The following CRIM1 variants were observed in gnomAD, a reference collection of about 807,000 sequenced individuals.
The protein encoded by CRIM1 is cysteine rich transmembrane BMP regulator 1, also known as cysteine-rich motor neuron 1 protein.
A neutral mutation model predicts 116.4 loss-of-function variants in CRIM1; 32 were observed. The ratio of observed to expected loss-of-function variants is 0.27; its 90% CI spans 0.21 to 0.37. CRIM1 has a LOEUF of 0.37. CRIM1 is among the 10% of genes least tolerant of loss of function. CRIM1 has a pLI of 1.00. For synonymous variants in CRIM1, 590 were observed against 509.2 expected, an observed-to-expected ratio of 1.16 and a Z score of -2.13; for missense variants, 1,331 against 1,354.8, an observed-to-expected ratio of 0.98 and a Z score of 0.28.
chr2:36,389,497 C>G (rs1671417211), intron 1 of CRIM1, among the ~76,000 whole-genome samples: 1 of 152,142 alleles, frequency 6.6e-6, no homozygotes, highest in Admixed American at 6.5e-5. Flanking sequence ...TCTCTTCTGC[C>G]AACAGAATTC....
At chr2:36,420,326 A>C (rs1256044138) in intron 2 of CRIM1, among the ~76,000 whole-genome samples, 1 of 152,214 alleles carries the variant, frequency 6.6e-6, no homozygotes, top group Admixed American at 6.5e-5. Context: ...AATATACCCA[A>C]GAATCCCATG....
At chr2:36,520,383 G>T (rs907713973) in intron 12 of CRIM1, among the ~76,000 whole-genome samples, 3 of 152,368 alleles carry the variant, frequency 2.0e-5, no homozygotes, top group South Asian at 2.1e-4. Flanking sequence ...AGGGCCTAGT[G>T]TGAACAAGAG....
chr2:36,446,164 G>A (rs569515369), intron 4 of CRIM1, among the ~76,000 whole-genome samples: 2 of 152,256 alleles, frequency 1.3e-5, no homozygotes, highest in African/African-American at 2.4e-5. Context: ...GCTAGAAAGT[G>A]GGTTTGTGGA....
chr2:36,362,741 G>A (rs1475211513), intron 1 of CRIM1, among the ~76,000 whole-genome samples: 1 of 152,110 alleles, frequency 6.6e-6, no homozygotes, highest in Non-Finnish European at 1.5e-5. Flanking sequence ...AAACTCTTAC[G>A]TGTTTTATCT....
intron 2 of CRIM1, among the ~76,000 whole-genome samples, chr2:36,397,155 G>A (rs188308262): frequency 3.3e-5 from 5 of 152,206 alleles, no homozygotes; most frequent in East Asian, 1.9e-4. Context: ...TTAGAAATGC[G>A]GCTCATCTGG....
chr2:36,360,850 T>G (rs2148275128), intron 1 of CRIM1, among the ~76,000 whole-genome samples: 1 of 152,220 alleles, frequency 6.6e-6, no homozygotes, highest in African/African-American at 2.4e-5. Flanking sequence ...GCTTCTATAG[T>G]TAGAAAAATT....
intron 6 of CRIM1, among the ~76,000 whole-genome samples, chr2:36,477,280 G>T (rs1679059531): frequency 6.6e-6 from 1 of 152,186 alleles, no homozygotes; most frequent in Non-Finnish European, 1.5e-5. Flanking sequence ...CTATGCCTGG[G>T]TGTAGACAAT....
At chr2:36,407,229 GCA>G (rs1672874707) in intron 2 of CRIM1, among the ~76,000 whole-genome samples, 1 of 152,026 alleles carries the variant, frequency 6.6e-6, no homozygotes, top group Non-Finnish European at 1.5e-5. Context: ...ATATACAGAA[GCA>G]CACACACATA....
At chr2:36,384,399 C>T (rs189186496) in intron 1 of CRIM1, among the ~76,000 whole-genome samples, 49 of 152,290 alleles carry the variant, frequency 3.2e-4, no homozygotes, top group African/African-American at 1.1e-3. Context: ...TTTATAGATA[C>T]GGCTTGTGCT....
intron 9 of CRIM1, among the ~76,000 whole-genome samples, chr2:36,510,773 C>T (rs1051924292): frequency 1.3e-5 from 2 of 152,030 alleles, no homozygotes; most frequent in African/African-American, 4.8e-5. Flanking sequence ...TTGTTTCTTT[C>T]GTGTCTGTAT....
At chr2:36,406,454 G>C (rs1273722726) in intron 2 of CRIM1, among the ~76,000 whole-genome samples, 1 of 152,086 alleles carries the variant, frequency 6.6e-6, no homozygotes, top group South Asian at 2.1e-4. Context: ...TGATGATAAC[G>C]AGGTCCCTGA....
At chr2:36,532,043 T>C in intron 13 of CRIM1, 2 of 469,194 alleles carry the variant, frequency 4.3e-6, no homozygotes, top group South Asian at 1.6e-5. Flanking sequence ...CAAAAGTCAT[T>C]TCAAACTGAA....
Position 36,386,842 on chromosome 2 carries a change from T to C in CRIM1, c.332-9772T>C, listed in dbSNP as rs536066007. 3.3e-5 allele frequency among the ~76,000 whole-genome samples: 5 copies of C among 152,336 alleles called. No individual in the cohort carries two copies. In the South Asian group the frequency reaches 1.0e-3, roughly 32 times the overall value. ...AGAGTGGGGAAACCTAAAGGAAGTA[T>C]TAACCACTGAGGAGAAGTTTCCAGT... On this transcript the variant is annotated intron_variant, in intron 1 of 16. Transcript: ENST00000280527.
At chr2:36,540,353 C>T (rs969353770) in intron 14 of CRIM1, among the ~76,000 whole-genome samples, 2 of 152,074 alleles carry the variant, frequency 1.3e-5, no homozygotes, top group African/African-American at 4.8e-5. Flanking sequence ...CTCATGCAGA[C>T]CATAAGTGCC....
intron 5 of CRIM1, among the ~76,000 whole-genome samples, chr2:36,466,516 T>C (rs978043396): frequency 6.6e-6 from 1 of 152,236 alleles, no homozygotes; most frequent in Admixed American, 6.5e-5. Flanking sequence ...TAGTCACTGC[T>C]TCCCTGGGTT....
intron 2 of CRIM1, among the ~76,000 whole-genome samples, chr2:36,432,197 C>T (rs558145262): frequency 9.9e-5 from 15 of 152,046 alleles, no homozygotes; most frequent in Admixed American, 3.3e-4. Flanking sequence ...AAAATGTGTT[C>T]GGTGGGGGAG....
At chr2:36,497,410 G>T (rs1680677412) in intron 7 of CRIM1, among the ~76,000 whole-genome samples, 1 of 152,142 alleles carries the variant, frequency 6.6e-6, no homozygotes, top group African/African-American at 2.4e-5. Context: ...CTGAAGACTG[G>T]AATAGAATCA....
intron 1 of CRIM1, among the ~76,000 whole-genome samples, chr2:36,395,881 A>C (rs1192344581): frequency 6.6e-6 from 1 of 152,158 alleles, no homozygotes; most frequent in Admixed American, 6.6e-5. Flanking sequence ...TTAATGTAGT[A>C]AGTTGAAGAG....
chr2:36,437,410 A>C (rs1164382261), intron 2 of CRIM1, among the ~76,000 whole-genome samples: 8 of 146,368 alleles, frequency 5.5e-5, no homozygotes, highest in African/African-American at 2.1e-4. Context: ...TTGAAACTAA[A>C]ATTGGATAAG....
Sources: allele counts gnomAD v4.1 joint callset (sites outside exome capture counted in the v4.1 genomes callset), GRCh38; gene constraint gnomAD v4.1.1; transcripts MANE v1.5; gene names NCBI Gene and HGNC (gene_info 2026-07-23, HGNC 2026-07-21).